The following AKAP7 variants were observed in gnomAD, a reference collection of about 807,000 sequenced individuals.
The protein encoded by AKAP7 is A kinase (PRKA) anchor protein 7.
A neutral mutation model predicts 39.5 loss-of-function variants in AKAP7; 39 were observed. That is an observed-to-expected ratio of 0.99 (90% CI 0.76 to 1.29). The LOEUF (loss-of-function observed/expected upper bound fraction) is 1.29. Among genes scored for constraint, AKAP7 ranks in the 50% most tolerant of loss-of-function variants. The probability of loss-of-function intolerance (pLI) is 0.00; values close to 1 mark genes in which losing one functional copy is unlikely to be tolerated. For synonymous variants in AKAP7, 140 were observed against 139.1 expected (o/e 1.01, Z -0.05); for missense variants, 414 against 407.7 (o/e 1.02, Z -0.13).
At chr6:131,165,601 A>G (rs549934438) in intron 4 of AKAP7, among the ~76,000 whole-genome samples, 1 of 152,338 alleles carries the variant, frequency 6.6e-6, no homozygotes, top group Admixed American at 6.5e-5. Context: ...AATAGTACCA[A>G]TACATGCAAG....
At chr6:131,270,252 C>G (rs1052590104) in intron 7 of AKAP7, among the ~76,000 whole-genome samples, 3 of 152,202 alleles carry the variant, frequency 2.0e-5, no homozygotes, top group African/African-American at 4.8e-5. Context: ...TACAGCTACA[C>G]CTGGAAACCG....
intron 7 of AKAP7, among the ~76,000 whole-genome samples, chr6:131,263,423 C>T (rs1813526438): frequency 6.6e-6 from 1 of 152,148 alleles, no homozygotes; most frequent in African/African-American, 2.4e-5. Flanking sequence ...GAGTTTCCCT[C>T]TCCTCATTCC....
At chr6:131,190,108 A>G (rs1411257375) in intron 5 of AKAP7, among the ~76,000 whole-genome samples, 3 of 152,196 alleles carry the variant, frequency 2.0e-5, no homozygotes, top group African/African-American at 7.2e-5. Flanking sequence ...AGATTATACT[A>G]CTGTTAGGAA....
chr6:131,159,285 A>C (rs9398979), intron 2 of AKAP7, among the ~76,000 whole-genome samples: 12 of 151,876 alleles, frequency 7.9e-5, no homozygotes, highest in African/African-American at 1.9e-4. Context: ...AGTAGAGACG[A>C]GGTTTCACCG....
At chr6:131,232,183 C>T (rs887068215) in intron 7 of AKAP7, among the ~76,000 whole-genome samples, 7 of 152,028 alleles carry the variant, frequency 4.6e-5, no homozygotes, top group Admixed American at 1.3e-4. Context: ...ATTAAAGGAG[C>T]GGTGCTAAGT....
At chr6:131,126,633 A>G in the AKAP7 span, among the ~76,000 whole-genome samples, 1 of 152,210 alleles carries the variant, frequency 6.6e-6, no homozygotes, top group African/African-American at 2.4e-5. Flanking sequence ...CCCTGCCCTC[A>G]TGGAGAAGCA....
At chr6:131,263,014 A>G (rs764835669) in intron 7 of AKAP7, among the ~76,000 whole-genome samples, 5 of 152,242 alleles carry the variant, frequency 3.3e-5, no homozygotes, top group Non-Finnish European at 7.3e-5. Flanking sequence ...AGCAGTGGCT[A>G]GAATGTTCTG....
upstream of AKAP7, among the ~76,000 whole-genome samples, chr6:131,132,923 C>A (rs545727926): frequency 1.3e-5 from 2 of 152,196 alleles, no homozygotes; most frequent in African/African-American, 4.8e-5. Flanking sequence ...TGAGCAATTA[C>A]CAAGTATTTT....
intron 6 of AKAP7, among the ~76,000 whole-genome samples, chr6:131,214,342 C>A (rs1403859190): frequency 1.3e-5 from 2 of 152,024 alleles, no homozygotes; most frequent in Admixed American, 6.6e-5. Context: ...TTCTGTAAAG[C>A]CTGAACATTA....
At chr6:131,139,630 G>C (rs924048236) in intron 1 of AKAP7, among the ~76,000 whole-genome samples, 12 of 152,074 alleles carry the variant, frequency 7.9e-5, no homozygotes, top group Non-Finnish European at 5.9e-5. Context: ...AGCTACTAGT[G>C]ACTTACTAAC....
In AKAP7 at chr6:131,219,733, C is replaced by T. The variant is rs147577265; in HGVS notation, c.775C>T (p.Arg259Cys). The change falls in exon 7 of 8, where the codon CGC (arginine) becomes TGC (cysteine). Residue 259 changes from arginine (R) to cysteine (C), a missense_variant. Arg to Cys is a radical substitution (Grantham distance 180). Coordinates refer to ENST00000431975, the MANE Select transcript of AKAP7 (RefSeq NM_016377.4). Reference protein sequence around the residue: ...SHRFGEEILYRIDLCSMLKKK... With the variant: ...SHRFGEEILYCIDLCSMLKKK... The stretch of plus-strand genomic sequence containing the variant: ...CAGATTTGGAGAAGAAATATTATAT[C>T]GCATAGATCTTTGCTCCATGCTGAA... The T allele has an allele frequency of 1.4e-3, 2,172 of 1,594,288 alleles. 16 individuals are homozygous for T. The African/African-American group carries it at 0.021, about 15-fold the overall frequency.
chr6:131,218,148 G>A (rs1477549540), intron 6 of AKAP7, among the ~76,000 whole-genome samples: 1 of 152,080 alleles, frequency 6.6e-6, no homozygotes, highest in Non-Finnish European at 1.5e-5. Flanking sequence ...GAGAGATTAG[G>A]AGTCCAGTTT....
chr6:131,273,971 G>A (rs558093411), intron 7 of AKAP7, among the ~76,000 whole-genome samples: 23 of 143,274 alleles, frequency 1.6e-4, no homozygotes, highest in African/African-American at 5.2e-4. Context: ...ATGGAGTCTC[G>A]CACTGTCGCC....
intron 7 of AKAP7, among the ~76,000 whole-genome samples, chr6:131,269,988 CAG>C (rs1814136814): frequency 6.6e-6 from 1 of 152,194 alleles, no homozygotes; most frequent in Non-Finnish European, 1.5e-5. Context: ...TGCGGAGTGA[CAG>C]GGCACTAGTC....
At chr6:131,236,833 C>T (rs1463117581) in intron 7 of AKAP7, among the ~76,000 whole-genome samples, 1 of 152,154 alleles carries the variant, frequency 6.6e-6, no homozygotes, top group Non-Finnish European at 1.5e-5. Flanking sequence ...TCTAGATATA[C>T]AATCATGTCA....
intron 5 of AKAP7, among the ~76,000 whole-genome samples, chr6:131,191,125 CTTGGAAATT>C (rs1806363950): frequency 6.6e-6 from 1 of 152,168 alleles, no homozygotes; most frequent in East Asian, 1.9e-4. Flanking sequence ...TATTCGAAGA[CTTGGAAATT>C]ATGCTCTAAT....
intron 2 of AKAP7, among the ~76,000 whole-genome samples, chr6:131,146,632 G>A (rs1309889540): frequency 2.0e-5 from 3 of 152,148 alleles, no homozygotes; most frequent in Non-Finnish European, 2.9e-5. Context: ...CATACTCTGC[G>A]CCATTCAACT....
intron 5 of AKAP7, among the ~76,000 whole-genome samples, chr6:131,187,744 A>G (rs2128266970): frequency 6.6e-6 from 1 of 152,328 alleles, no homozygotes; most frequent in Non-Finnish European, 1.5e-5. Flanking sequence ...ATAAAAGTTT[A>G]CTTGAAAGAA....
At chr6:131,241,563 C>T (rs1811552431) in intron 7 of AKAP7, among the ~76,000 whole-genome samples, 1 of 109,234 alleles carries the variant, frequency 9.2e-6, no homozygotes, top group South Asian at 2.8e-4. Flanking sequence ...AGGTCCAGGA[C>T]ATAGATTATA....
Sources: gnomAD v4.1 joint callset for allele counts (sites outside exome capture counted in the v4.1 genomes callset) on GRCh38, gnomAD v4.1.1 for gene constraint, MANE v1.5 for transcripts, NCBI Gene and HGNC (gene_info 2026-07-23, HGNC 2026-07-21) for gene names.